Variants in MYO5B observed in about 807,000 individuals in gnomAD.
The protein encoded by MYO5B is myosin VB.
MYO5B carries 143 observed loss-of-function variants against 229.3 expected under a neutral mutation model. The observed-to-expected ratio is 0.62, with a 90% confidence interval of 0.54 to 0.72. MYO5B has a LOEUF of 0.72. Among genes scored for constraint, MYO5B ranks in the 30% least tolerant of loss-of-function variants. MYO5B has a pLI of 0.00. For missense variants in MYO5B, 2,321 were observed against 2,331.0 expected (o/e 1.00, Z 0.09); for synonymous variants, 918 against 885.2 (o/e 1.04, Z -0.66).
At chr18:49,834,825 A>G (rs1215077542) in intron 39 of MYO5B, among the ~76,000 whole-genome samples, 1 of 152,134 alleles carries the variant, frequency 6.6e-6, no homozygotes, top group East Asian at 1.9e-4. Context: ...TTTTTAGTAG[A>G]GACCGGGTTT....
intron 17 of MYO5B, 83 bp downstream of exon 17, chr18:49,929,429 G>A (rs1036116224): frequency 1.1e-5 from 12 of 1,114,960 alleles, no homozygotes; most frequent in South Asian, 9.6e-5. Context: ...TCTGGCCGAC[G>A]GTACACAGAG....
chr18:49,989,029 C>T (rs2025900926), intron 7 of MYO5B, among the ~76,000 whole-genome samples: 1 of 152,176 alleles, frequency 6.6e-6, no homozygotes, highest in African/African-American at 2.4e-5. Context: ...CCTCCCAGCC[C>T]TCCTCAGCTC....
intron 4 of MYO5B, among the ~76,000 whole-genome samples, chr18:50,001,798 C>T (rs1336961247): frequency 1.3e-5 from 2 of 151,740 alleles, no homozygotes; most frequent in African/African-American, 2.4e-5. Context: ...TCTGGGAGGC[C>T]GAGGTGGTGA....
In MYO5B at chr18:50,034,466, G is replaced by A. The variant is rs182388227; in HGVS notation, c.455+2384C>T. Among the ~76,000 whole-genome samples the A allele has an allele frequency of 2.7e-3, 404 of 152,290 alleles. 1 individual carries two copies. Among genetic ancestry groups the A allele is most frequent in the Middle Eastern group, 0.01 (3 of 292 alleles). ...AGTAATTCAAAATTAGCTCTCAGTC[G>A]TGCGTGGTGGCTCACGCCTGTAATC... is the stretch of plus-strand genomic sequence containing the variant. On this transcript the variant is annotated intron_variant, in intron 4 of 39. Transcript: ENST00000285039.
At chr18:49,864,011 G>A in intron 28 of MYO5B, 130 bp downstream of exon 28, 2 of 1,382,264 alleles carry the variant, frequency 1.4e-6, no homozygotes, top group Non-Finnish European at 2.0e-6. Context: ...CTTTTTGGAG[G>A]AGACCCCACA....
chr18:49,842,254 TCA>T (rs1187719211), intron 34 of MYO5B, among the ~76,000 whole-genome samples: 2 of 152,144 alleles, frequency 1.3e-5, no homozygotes. Flanking sequence ...TGGATGGTGC[TCA>T]CGAAAGAGGA....
At chr18:50,182,855 T>C (rs565490765) in intron 1 of MYO5B, among the ~76,000 whole-genome samples, 6 of 152,222 alleles carry the variant, frequency 3.9e-5, no homozygotes, top group African/African-American at 1.4e-4. Flanking sequence ...TGGGGGGTTG[T>C]AGGTAAACTT....
At chr18:50,168,012 T>A (rs968704260) in intron 1 of MYO5B, among the ~76,000 whole-genome samples, 20 of 152,246 alleles carry the variant, frequency 1.3e-4, no homozygotes, top group Non-Finnish European at 2.1e-4. Context: ...AAATTTCACA[T>A]AGGGCAGGTT....
intron 1 of MYO5B, among the ~76,000 whole-genome samples, chr18:50,132,477 T>A (rs942528267): frequency 2.0e-5 from 3 of 152,254 alleles, no homozygotes; most frequent in African/African-American, 7.2e-5. Context: ...TGGTTCTGTG[T>A]AAATTAATAA....
intron 12 of MYO5B, among the ~76,000 whole-genome samples, chr18:49,961,754 G>A (rs1182762229): frequency 6.6e-6 from 1 of 152,152 alleles, no homozygotes; most frequent in African/African-American, 2.4e-5. Context: ...CCCTCCCAAT[G>A]CTGCCAGGCA....
At chr18:49,873,051 G>A (rs899281662) in intron 26 of MYO5B, among the ~76,000 whole-genome samples, 4 of 152,194 alleles carry the variant, frequency 2.6e-5, no homozygotes, top group Admixed American at 2.0e-4. Flanking sequence ...CTTCCTCCAT[G>A]ACACTACCGC....
chr18:49,927,030 T>C (rs77263639), intron 17 of MYO5B, among the ~76,000 whole-genome samples: 6,359 of 152,224 alleles, frequency 0.042, 330 homozygotes, highest in East Asian at 0.15. Context: ...TAGGGAAATA[T>C]TGTTAATGCC....
chr18:49,945,595 C>G lies in MYO5B; in HGVS notation c.1752+7665G>C, dbSNP rs375682380. 2.4e-4 allele frequency among the ~76,000 whole-genome samples: 37 copies of G among 152,286 alleles called. 1 individual carries two copies. The Middle Eastern group carries it at 0.017, about 70-fold the overall frequency. On this transcript the variant is annotated intron_variant, in intron 14 of 39. Coordinates refer to ENST00000285039, the MANE Select transcript of MYO5B (RefSeq NM_001080467.3). Reference sequence around the variant, plus strand: ...ACCCAAACACATTCCAACCAACAGCCAGAGTTTTCTCTGGATGCAAACCTT... The same window carrying G: ...ACCCAAACACATTCCAACCAACAGCGAGAGTTTTCTCTGGATGCAAACCTT...
intron 1 of MYO5B, among the ~76,000 whole-genome samples, chr18:50,154,631 C>T (rs140857568): frequency 7.7e-4 from 118 of 152,290 alleles, no homozygotes; most frequent in African/African-American, 2.7e-3. Context: ...GCATTTAGTG[C>T]AATATGCTTG....
intron 10 of MYO5B, among the ~76,000 whole-genome samples, 188 bp from the exon 11 acceptor site, chr18:49,963,218 C>G (rs1436552441): frequency 6.6e-6 from 1 of 151,850 alleles, no homozygotes; most frequent in Non-Finnish European, 1.5e-5. Context: ...AAGAACATGT[C>G]TATTTTCAAA....
chr18:49,945,786 C>T (rs532616379), intron 14 of MYO5B, among the ~76,000 whole-genome samples: 2 of 146,602 alleles, frequency 1.4e-5, no homozygotes, highest in South Asian at 2.1e-4. Flanking sequence ...GAGAGCTGGG[C>T]CTGGGGGCTC....
intron 39 of MYO5B, among the ~76,000 whole-genome samples, chr18:49,827,702 C>T (rs1281334669): frequency 6.6e-6 from 1 of 151,900 alleles, no homozygotes; most frequent in Non-Finnish European, 1.5e-5. Flanking sequence ...AGTATACCAA[C>T]ATACACATTA....
At chr18:50,048,395 AG>A (rs1325106767) in intron 2 of MYO5B, among the ~76,000 whole-genome samples, 1 of 152,178 alleles carries the variant, frequency 6.6e-6, no homozygotes, top group Non-Finnish European at 1.5e-5. Flanking sequence ...AATACTGCAA[AG>A]GTTTATTTCT....
rs114760414 is a variant in MYO5B, at chr18:50,140,262, G to A, written c.27+54505C>T. ...TAATTACCATTTTGGGAAAATGAAT[G>A]ACGGCTATTTGCAAAATGCTCAAGG... is the stretch of plus-strand genomic sequence containing the variant. On this transcript the variant is annotated intron_variant, in intron 1 of 39. Coordinates refer to ENST00000285039, the MANE Select transcript of MYO5B (RefSeq NM_001080467.3). Among the ~76,000 whole-genome samples the A allele has an allele frequency of 4.8e-3, 736 of 152,322 alleles. 8 individuals are homozygous for A. Among genetic ancestry groups the A allele is most frequent in the African/African-American group, 0.017 (697 of 41,578 alleles).
Sources: gnomAD v4.1 joint callset for allele counts (sites outside exome capture counted in the v4.1 genomes callset) on GRCh38, gnomAD v4.1.1 for gene constraint, MANE v1.5 for transcripts, NCBI Gene and HGNC (gene_info 2026-07-23, HGNC 2026-07-21) for gene names.